TMEM209: variants seen among roughly 807,000 people sequenced by gnomAD.
The protein encoded by TMEM209 is transmembrane protein 209.
In TMEM209, 65 loss-of-function variants were observed where a neutral mutation model predicts 76.2. That is an observed-to-expected ratio of 0.85 (90% CI 0.70 to 1.05). The LOEUF is 1.05. Among genes scored for constraint, TMEM209 ranks in the 50% least tolerant of loss-of-function variants. The probability of loss-of-function intolerance (pLI) is 0.00; values close to 1 mark genes in which losing one functional copy is unlikely to be tolerated. For synonymous variants in TMEM209, 239 were observed against 237.6 expected, an observed-to-expected ratio of 1.01 and a Z score of -0.06; for missense variants, 623 against 685.5, an observed-to-expected ratio of 0.91 and a Z score of 1.02.
At chr7:130,203,758 T>G in intron 3 of TMEM209, 30 bp downstream of exon 3, 3 of 1,562,880 alleles carry the variant, frequency 1.9e-6, no homozygotes, top group Non-Finnish European at 2.6e-6. Flanking sequence ...TATTGGTAAA[T>G]GTAAGTTACA....
chr7:130,188,616 A>G (rs1207785673), intron 6 of TMEM209, among the ~76,000 whole-genome samples: 23 of 150,616 alleles, frequency 1.5e-4, no homozygotes, highest in African/African-American at 4.1e-4. Context: ...AAAAAAAAAA[A>G]AAAAGAAAAT....
chr7:130,178,303 T>C, intron 10 of TMEM209, 99 bp downstream of exon 10: 1 of 1,197,992 alleles, frequency 8.3e-7, no homozygotes, highest in Non-Finnish European at 1.1e-6. Context: ...TAAGACATGT[T>C]ATACTTTTAA....
chr7:130,183,802 T>C (rs779964434), intron 8 of TMEM209, among the ~76,000 whole-genome samples: 2 of 152,206 alleles, frequency 1.3e-5, no homozygotes, highest in Non-Finnish European at 2.9e-5. Context: ...TGTTGTCTTA[T>C]CTCTCTAACT....
At chr7:130,174,746 G>A (rs1466158914) in intron 11 of TMEM209, among the ~76,000 whole-genome samples, 4 of 152,050 alleles carry the variant, frequency 2.6e-5, no homozygotes, top group South Asian at 2.1e-4. Context: ...AAAGCAATGC[G>A]CATCACACTA....
intron 8 of TMEM209, among the ~76,000 whole-genome samples, chr7:130,183,412 C>T (rs1297070179): frequency 6.6e-6 from 1 of 152,186 alleles, no homozygotes; most frequent in Non-Finnish European, 1.5e-5. Context: ...ATCCAGGTTT[C>T]TGTTTCAATA....
chr7:130,199,647 C>T (rs906079383), intron 5 of TMEM209, among the ~76,000 whole-genome samples: 1 of 151,876 alleles, frequency 6.6e-6, no homozygotes, highest in Non-Finnish European at 1.5e-5. Flanking sequence ...CAAAGATGTA[C>T]AAGGCAGAAG....
chr7:130,196,647 T>C (rs1392733257), intron 5 of TMEM209, among the ~76,000 whole-genome samples: 1 of 152,112 alleles, frequency 6.6e-6, no homozygotes, highest in African/African-American at 2.4e-5. Flanking sequence ...ACAGGCTCAG[T>C]GCCATATGAA....
At chr7:130,186,641 G>A (rs1169629921) in intron 6 of TMEM209, among the ~76,000 whole-genome samples, 1 of 152,136 alleles carries the variant, frequency 6.6e-6, no homozygotes, top group Non-Finnish European at 1.5e-5. Flanking sequence ...TTGTATTTGA[G>A]TAAAATTTCA....
At chr7:130,205,208 C>T (rs1244200436) in intron 1 of TMEM209, 165 bp downstream of exon 1, 2 of 1,561,338 alleles carry the variant, frequency 1.3e-6, no homozygotes, top group Non-Finnish European at 1.7e-6. Context: ...CTCCTGGGCA[C>T]GAACTTCAGC....
Position 130,175,498 on chromosome 7 carries a change from A to C in TMEM209, c.1344+14T>G. 6.2e-7 allele frequency: 1 copy of C among 1,606,136 alleles called. No individual in the cohort carries two copies. The highest frequency in any genetic ancestry group is 8.5e-7 in the Non-Finnish European group (1 of 1,175,782). ...AGTAAATAAATAAATGAATGAAAGA[A>C]TCTAGGGGCTTACAGCAGAATCGGT... On this transcript the variant is annotated intron_variant, in intron 11 of 14. Transcript: ENST00000397622.
At chr7:130,189,852 A>T (rs1430197156) in intron 6 of TMEM209, among the ~76,000 whole-genome samples, 5 of 152,230 alleles carry the variant, frequency 3.3e-5, no homozygotes, top group Non-Finnish European at 5.9e-5. Context: ...CAATAATAAC[A>T]GTGTGCCCAG....
chr7:130,186,276 T>C (rs911229428), intron 6 of TMEM209, among the ~76,000 whole-genome samples: 1 of 152,198 alleles, frequency 6.6e-6, no homozygotes, highest in African/African-American at 2.4e-5. Flanking sequence ...ATAAAACTCA[T>C]TTTCCTTATG....
rs746343987 is a variant in TMEM209 at position 130,173,655 on chromosome 7, G to A, written c.1534C>T (p.Arg512Cys). Residue 512 changes from arginine to cysteine, a missense_variant, in exon 13 of 15, where the codon CGT becomes TGT. By Grantham distance (180) the Arg-to-Cys change is radical. Coordinates refer to ENST00000397622, the MANE Select transcript of TMEM209 (RefSeq NM_032842.4). ...NPPHYELIYQ[R>C]HVYNLPKGRN... ...ACCTTTGGCAGGTTGTATACATGAC[G>A]CTGGTAGATGAGCTCATAATGGGGA... The A allele has an allele frequency of 9.3e-6, 15 of 1,612,972 alleles. No homozygotes were observed. The highest frequency in any genetic ancestry group is 1.7e-4 in the Middle Eastern group (1 of 5,758).
chr7:130,193,533 C>G (rs940554929), intron 5 of TMEM209, among the ~76,000 whole-genome samples: 1 of 151,400 alleles, frequency 6.6e-6, no homozygotes, highest in Non-Finnish European at 1.5e-5. Flanking sequence ...AAGCGAAACT[C>G]CATCTCAAAA....
Position 130,170,398 on chromosome 7 carries a change from A to T in TMEM209, c.1631+2T>A. 6.2e-7 allele frequency: 1 copy of T among 1,610,354 alleles called. No homozygotes were observed. Among genetic ancestry groups the T allele is most frequent in the Non-Finnish European group, 8.5e-7 (1 of 1,178,148 alleles). ...TTACGTTTTTAAAGCATAAGTACCT[A>T]CCCAAGCATTCCTGACTCTTTGGTC... On this transcript the variant is annotated splice_donor_variant, in intron 14 of 14. Coordinates refer to ENST00000397622, the MANE Select transcript of TMEM209 (RefSeq NM_032842.4). LOFTEE classifies it high-confidence loss of function.
chr7:130,169,068 C>T (rs1226748125), intron 14 of TMEM209, among the ~76,000 whole-genome samples: 7 of 151,902 alleles, frequency 4.6e-5, no homozygotes, highest in Admixed American at 3.9e-4. Context: ...GAAACCCCGT[C>T]TCTACCAAAA....
chr7:130,193,380 A>G (rs1797862759), intron 5 of TMEM209, among the ~76,000 whole-genome samples: 1 of 152,070 alleles, frequency 6.6e-6, no homozygotes, highest in African/African-American at 2.4e-5. Context: ...GTCTACTTAA[A>G]ATACAAAATT....
intron 1 of TMEM209, chr7:130,205,061 G>T: frequency 7.5e-7 from 1 of 1,334,636 alleles, no homozygotes; most frequent in East Asian, 2.8e-5. Flanking sequence ...CCTTTCTTCA[G>T]CTAGGCTCAA....
rs10272552 is a variant in TMEM209, at chr7:130,178,657, C to T, written c.1121-130G>A. 6.7e-3 allele frequency: 7,008 copies of T among 1,039,294 alleles called. 302 individuals are homozygous for T. The African/African-American group carries it at 0.095, about 14-fold the overall frequency. The allele number at this position is 1,039,294 out of a possible 1,614,324, so 64.4% of individuals were successfully genotyped here. A position where few individuals can be genotyped will look rare whatever the true frequency, so the allele number is the denominator to read the frequency against. On this transcript the variant is annotated intron_variant, in intron 9 of 14. Coordinates refer to ENST00000397622, the MANE Select transcript of TMEM209 (RefSeq NM_032842.4). ...TTCAGGTCTTCATACAAGTCAATGACGTCTCCCCTGACGACCCTACCTCAA... is the reference window on the plus strand; with the variant it reads ...TTCAGGTCTTCATACAAGTCAATGATGTCTCCCCTGACGACCCTACCTCAA...
Sources: allele counts gnomAD v4.1 joint callset (sites outside exome capture counted in the v4.1 genomes callset), GRCh38; gene constraint gnomAD v4.1.1; transcripts MANE v1.5; gene names NCBI Gene and HGNC (gene_info 2026-07-23, HGNC 2026-07-21).